Variants in PAPPA observed in about 807,000 individuals in gnomAD.
The protein encoded by PAPPA is pappalysin-1.
In PAPPA, 60 loss-of-function variants were observed where a neutral mutation model predicts 164.0. The observed-to-expected ratio is 0.37, with a 90% CI of 0.30 to 0.45. The LOEUF is 0.45. Among genes scored for constraint, PAPPA ranks in the 20% least tolerant of loss-of-function variants. The pLI is 1.00. For missense variants in PAPPA, 1,782 were observed against 2,087.3 expected, an observed-to-expected ratio of 0.85 and a Z score of 2.85; for synonymous variants, 875 against 814.1, an observed-to-expected ratio of 1.07 and a Z score of -1.27.
chr9:116,345,517 G>A (rs545180364), intron 14 of PAPPA, among the ~76,000 whole-genome samples: 1 of 152,178 alleles, frequency 6.6e-6, no homozygotes, highest in South Asian at 2.1e-4. Flanking sequence ...AATGAGGCTG[G>A]AAGGGCCAGC....
At chr9:116,396,414 T>A in intron 21 of PAPPA, 95 bp from the exon 22 acceptor site, 1 of 745,142 alleles carries the variant, frequency 1.3e-6, no homozygotes, top group Non-Finnish European at 2.5e-6. Flanking sequence ...AACCTTCTGC[T>A]CCTCAAATCC....
intron 19 of PAPPA, 73 bp downstream of exon 19, chr9:116,367,827 T>C: frequency 1.0e-6 from 1 of 1,000,832 alleles, no homozygotes. Context: ...ACTTGCTATG[T>C]CCCGGTTCTG....
At chr9:116,345,821 C>T (rs1243849033) in intron 14 of PAPPA, among the ~76,000 whole-genome samples, 2 of 152,162 alleles carry the variant, frequency 1.3e-5, no homozygotes, top group East Asian at 3.9e-4. Flanking sequence ...CAAGATGGTG[C>T]TGTAATGTCC....
intron 9 of PAPPA, among the ~76,000 whole-genome samples, chr9:116,273,790 G>C (rs913272152): frequency 6.6e-6 from 1 of 152,024 alleles, no homozygotes; most frequent in Non-Finnish European, 1.5e-5. Flanking sequence ...AAATAAAAAA[G>C]ATGAGGGAGT....
chr9:116,392,689 A>G (rs1846910217), intron 21 of PAPPA, among the ~76,000 whole-genome samples: 1 of 152,202 alleles, frequency 6.6e-6, no homozygotes, highest in African/African-American at 2.4e-5. Context: ...GCAGTTCACA[A>G]AGAGGCAAGA....
intron 10 of PAPPA, among the ~76,000 whole-genome samples, chr9:116,315,979 T>C (rs1845783305): frequency 1.3e-5 from 2 of 152,162 alleles, no homozygotes; most frequent in Admixed American, 1.3e-4. Flanking sequence ...CTGTATGAGG[T>C]AACTACTGTA....
At chr9:116,363,280 G>A (rs1471630366) in intron 18 of PAPPA, among the ~76,000 whole-genome samples, 4 of 152,118 alleles carry the variant, frequency 2.6e-5, no homozygotes, top group South Asian at 2.1e-4. Flanking sequence ...ACAGATGAGG[G>A]AATCAAAACT....
At chr9:116,342,192 A>G (rs1351180346) in intron 13 of PAPPA, among the ~76,000 whole-genome samples, 6 of 152,196 alleles carry the variant, frequency 3.9e-5, no homozygotes, top group Non-Finnish European at 5.9e-5. Flanking sequence ...CTTACAGAGT[A>G]AATATATTTA....
intron 1 of PAPPA, among the ~76,000 whole-genome samples, chr9:116,171,475 C>A (rs751075895): frequency 1.6e-4 from 24 of 151,896 alleles, no homozygotes; most frequent in Non-Finnish European, 3.1e-4. Flanking sequence ...CTGCCTTTTT[C>A]TCCAACCCCC....
chr9:116,357,914 A>AC (rs1183891948), intron 17 of PAPPA, among the ~76,000 whole-genome samples: 1 of 152,052 alleles, frequency 6.6e-6, no homozygotes, highest in Non-Finnish European at 1.5e-5. Flanking sequence ...TCTTCAACAC[A>AC]CCCAGCTCAT....
At chr9:116,288,596 A>G (rs935702467) in intron 9 of PAPPA, 1 of 151,998 alleles carries the variant, frequency 6.6e-6, no homozygotes, top group African/African-American at 2.4e-5. Context: ...ATCAGAACAT[A>G]TAGATTTAAG....
At position 116,235,448 on chromosome 9, in the gene PAPPA, A is replaced by G. The variant is rs1266286719; in HGVS notation, c.2543A>G (p.Glu848Gly). The G allele has an allele frequency of 6.2e-7, 1 of 1,613,498 alleles. No homozygotes were observed. The highest frequency in any genetic ancestry group is 8.5e-7 in the Non-Finnish European group (1 of 1,179,832). ...ACCATCAGACTCTGGGACGTGGGCG[A>G]GGAGGTGTATGGCATCCAAATCTAC... Reference protein sequence around the residue: ...PLTIRLWDVGEEVYGIQIYTL... With the variant: ...PLTIRLWDVGGEVYGIQIYTL... The change falls in exon 7 of 22, where the codon GAG becomes GGG. Residue 848 changes from glutamate to glycine, a missense_variant. Glu to Gly is a moderately conservative substitution (Grantham distance 98). Coordinates refer to ENST00000328252, the MANE Select transcript of PAPPA (RefSeq NM_002581.5).
At chr9:116,221,006 T>C (rs1440130657) in intron 5 of PAPPA, among the ~76,000 whole-genome samples, 1 of 151,904 alleles carries the variant, frequency 6.6e-6, no homozygotes, top group African/African-American at 2.4e-5. Flanking sequence ...CAGGGAATGA[T>C]AAACTGAGGC....
At chr9:116,226,479 G>GAAAGA (rs1398048380) in intron 5 of PAPPA, among the ~76,000 whole-genome samples, 1 of 152,216 alleles carries the variant, frequency 6.6e-6, no homozygotes, top group African/African-American at 2.4e-5. Context: ...CAGGAATGAT[G>GAAAGA]AAAGAGTTAT....
chr9:116,237,520 TTGA>T (rs926733785), intron 7 of PAPPA, among the ~76,000 whole-genome samples: 4 of 152,136 alleles, frequency 2.6e-5, no homozygotes, highest in African/African-American at 9.7e-5. Context: ...CTGCCATGGG[TTGA>T]TAAGTTTGAA....
At chr9:116,160,262 C>T (rs1587933545) in intron 1 of PAPPA, among the ~76,000 whole-genome samples, 1 of 152,198 alleles carries the variant, frequency 6.6e-6, no homozygotes, top group Admixed American at 6.5e-5. Context: ...TCCATGCTGA[C>T]TTCCTCTGTT....
chr9:116,232,144 T>C (rs1844606496), intron 6 of PAPPA, among the ~76,000 whole-genome samples: 1 of 152,116 alleles, frequency 6.6e-6, no homozygotes. Context: ...TAAAGTTCAG[T>C]TTCCTCCTTA....
At chr9:116,194,137 G>A (rs925382342) in intron 2 of PAPPA, among the ~76,000 whole-genome samples, 3 of 152,326 alleles carry the variant, frequency 2.0e-5, no homozygotes, top group South Asian at 4.1e-4. Context: ...CTGAAGACTC[G>A]GGCTGATTTA....
chr9:116,358,811 T>A (rs1400598689), intron 17 of PAPPA, among the ~76,000 whole-genome samples: 1 of 152,246 alleles, frequency 6.6e-6, no homozygotes, highest in East Asian at 1.9e-4. Flanking sequence ...CCTTTGTGAC[T>A]TGGGCACATT....
Sources: allele counts gnomAD v4.1 joint callset (sites outside exome capture counted in the v4.1 genomes callset), GRCh38; gene constraint gnomAD v4.1.1; transcripts MANE v1.5; gene names NCBI Gene and HGNC (gene_info 2026-07-23, HGNC 2026-07-21).